Variants in RIPOR2 observed in about 807,000 individuals in gnomAD.
The protein encoded by RIPOR2 is rho family-interacting cell polarization regulator 2.
In RIPOR2, 39 loss-of-function variants were observed where a neutral mutation model predicts 114.5. That is an observed-to-expected ratio of 0.34 (90% CI 0.26 to 0.44). The LOEUF is 0.44. RIPOR2 is among the 20% of genes least tolerant of loss of function. The pLI is 1.00. For synonymous variants in RIPOR2, 445 were observed against 484.4 expected, an observed-to-expected ratio of 0.92 and a Z score of 1.07; for missense variants, 1,007 against 1,255.1, an observed-to-expected ratio of 0.80 and a Z score of 2.99.
chr6:24,989,153 A>G (rs1431370381), intron 1 of RIPOR2, among the ~76,000 whole-genome samples: 2 of 152,082 alleles, frequency 1.3e-5, no homozygotes, highest in Non-Finnish European at 2.9e-5. Context: ...TGAGTTTTTA[A>G]TATCAAAAAT....
At chr6:24,973,582 T>A (rs1165952765) in intron 1 of RIPOR2, among the ~76,000 whole-genome samples, 1 of 132,868 alleles carries the variant, frequency 7.5e-6, no homozygotes, top group Non-Finnish European at 1.5e-5. Flanking sequence ...AGTGACAGAG[T>A]GAGACTGCAT....
chr6:24,952,202 G>T lies in RIPOR2; in HGVS notation c.77-76385C>A, dbSNP rs943877446. On this transcript the variant is annotated intron_variant, in intron 1 of 13. Transcript: ENST00000510784. ...TTGGCTGGGTAGGCTGCAAGGTAAA[G>T]CGCAGAATAGTAAATGCCCCACCTA... Among the ~76,000 whole-genome samples, 5 of 152,170 alleles carry T rather than the reference G, an allele frequency of 3.3e-5. No individual in the cohort carries two copies. In the East Asian group the frequency reaches 9.6e-4, roughly 29 times the overall value.
At position 25,001,363 on chromosome 6, in the gene RIPOR2, G is replaced by A. The variant is rs542491014; in HGVS notation, c.76+40488C>T. ...AGAGTAGTTGGGTGCAGTGGCTCACGCGTGTAATCCCAGCACTTTGGGAGG... is the reference window on the plus strand; with the variant it reads ...AGAGTAGTTGGGTGCAGTGGCTCACACGTGTAATCCCAGCACTTTGGGAGG... On this transcript the variant is annotated intron_variant, in intron 1 of 13. Transcript: ENST00000510784. Among the ~76,000 whole-genome samples, 8 of 152,112 alleles carry A rather than the reference G, an allele frequency of 5.3e-5. No individual in the cohort carries two copies. The South Asian group carries it at 6.2e-4, about 12-fold the overall frequency.
chr6:24,935,989 G>A, upstream of RIPOR2: 1 of 985,642 alleles, frequency 1.0e-6, no homozygotes, highest in Non-Finnish European at 1.5e-6. Flanking sequence ...CTTTCCTTGG[G>A]TTGCCCAAGC....
intron 1 of RIPOR2, among the ~76,000 whole-genome samples, chr6:25,003,499 G>T (rs1399546173): frequency 6.6e-6 from 1 of 151,638 alleles, no homozygotes; most frequent in African/African-American, 2.4e-5. Context: ...CGCAGTCATG[G>T]CTCAGTGTAG....
chr6:24,946,488 G>T lies in RIPOR2; in HGVS notation c.77-70671C>A, dbSNP rs145513723. 4.1e-3 allele frequency among the ~76,000 whole-genome samples: 620 copies of T among 152,148 alleles called. 2 individuals are homozygous for T. Among genetic ancestry groups the T allele is most frequent in the South Asian group, 0.012 (58 of 4,818 alleles). Reference sequence around the variant, plus strand: ...CTCAGGAGGCTGAGTCAGGAGAGTCGCTTGAACCTGGGAGGTGGAGTTTGC... The same window carrying T: ...CTCAGGAGGCTGAGTCAGGAGAGTCTCTTGAACCTGGGAGGTGGAGTTTGC... On this transcript the variant is annotated intron_variant, in intron 1 of 13. Transcript: ENST00000510784.
chr6:24,843,016 AC>A lies in RIPOR2; in HGVS notation c.1702del (p.Val568LeufsTer12). 2 of 1,602,950 alleles carry A rather than the reference AC, an allele frequency of 1.2e-6. No individual in the cohort carries two copies. The highest frequency in any genetic ancestry group is 1.7e-6 in the Non-Finnish European group (2 of 1,172,992). Reference sequence around the variant, plus strand: ...TCTGCAGCCTTCAGATTCTCCACCAACAGAACCCTCAGAGAGCAGCCTGTCT... The same window carrying A: ...TCTGCAGCCTTCAGATTCTCCACCAAAGAACCCTCAGAGAGCAGCCTGTCT... The part of the protein sequence containing the change: ...ATDRLLSEGS[V>X]GGESEGCRSF... On this transcript the variant is annotated frameshift_variant, in exon 13 of 22. Coordinates refer to ENST00000643898, the MANE Select transcript of RIPOR2 (RefSeq NM_001286445.3). LOFTEE classifies it high-confidence loss of function.
At position 25,041,850 on chromosome 6, in the gene RIPOR2, C is replaced by A; in HGVS notation, c.76+1G>T. ...TAGGTAACACCAGACGGGACACTCA[C>A]GGTTGAGCTGGCGCCTCCGGATCCT... On this transcript the variant is annotated splice_donor_variant, in intron 1 of 13. Coordinates refer to the RIPOR2 transcript ENST00000510784. LOFTEE classifies it high-confidence loss of function. 1.4e-6 allele frequency: 1 copy of A among 702,476 alleles called. No homozygotes were observed. Among genetic ancestry groups the A allele is most frequent in the Non-Finnish European group, 2.6e-6 (1 of 384,844 alleles). 43.5% of individuals were successfully genotyped at this position (702,476 alleles called of 1,614,324 possible).
chr6:24,940,512 G>T (rs1772068198), upstream of RIPOR2, among the ~76,000 whole-genome samples: 1 of 152,026 alleles, frequency 6.6e-6, no homozygotes, highest in East Asian at 1.9e-4. Flanking sequence ...AATCAGAAAA[G>T]AAAAAGGTGA....
chr6:24,953,672 C>A (rs781576890), intron 1 of RIPOR2, among the ~76,000 whole-genome samples: 2 of 152,220 alleles, frequency 1.3e-5, no homozygotes, highest in Non-Finnish European at 2.9e-5. Flanking sequence ...TTGAGAAGTA[C>A]CTTCCCTATA....
chr6:25,029,134 A>C (rs1175374619), intron 1 of RIPOR2, among the ~76,000 whole-genome samples: 1 of 152,084 alleles, frequency 6.6e-6, no homozygotes, highest in Non-Finnish European at 1.5e-5. Context: ...TAAAAACACA[A>C]AAAATTAGCC....
chr6:24,900,513 C>G (rs1638658697), intron 1 of RIPOR2, among the ~76,000 whole-genome samples: 2 of 152,076 alleles, frequency 1.3e-5, no homozygotes, highest in South Asian at 4.1e-4. Context: ...AATCCCAGCA[C>G]TTTGGGAGAC....
At chr6:25,019,820 A>T (rs1000796851) in intron 1 of RIPOR2, among the ~76,000 whole-genome samples, 50 of 150,814 alleles carry the variant, frequency 3.3e-4, no homozygotes, top group African/African-American at 1.2e-3. Context: ...AAGAAAAAGA[A>T]AAAAGAAAAA....
Position 24,806,415 on chromosome 6 carries a change from T to G in RIPOR2, c.3102A>C (p.Lys1034Asn). Reference sequence around the variant, plus strand: ...CTTCAGTTCCATGACGACCTCCGACTTTAACACAGTCTCGAGGAAATTTGT... The same window carrying G: ...CTTCAGTTCCATGACGACCTCCGACGTTAACACAGTCTCGAGGAAATTTGT... The part of the protein sequence containing the change: ...QLDKFPRDCV[K>N]VGGRHGTEVA... Residue 1034 changes from lysine to asparagine, a missense_variant, in exon 22 of 22, where the codon AAA becomes AAC. Coordinates refer to ENST00000643898, the MANE Select transcript of RIPOR2 (RefSeq NM_001286445.3). 6.4e-7 allele frequency: 1 copy of G among 1,551,784 alleles called. No homozygotes were observed.
chr6:24,923,811 G>A lies in RIPOR2; in HGVS notation c.61+12027C>T, dbSNP rs555915496. Among the ~76,000 whole-genome samples, 16 of 152,054 alleles carry A rather than the reference G, an allele frequency of 1.1e-4. No homozygotes were observed. The South Asian group carries it at 1.5e-3, about 14-fold the overall frequency. ...TGCAGAGAGCCGAGATAGCACTACC[G>A]CACTCCAGCCTCAGCGACAGAGTAA... On this transcript the variant is annotated intron_variant, in intron 1 of 21. Coordinates refer to ENST00000643898, the MANE Select transcript of RIPOR2 (RefSeq NM_001286445.3).
intron 1 of RIPOR2, among the ~76,000 whole-genome samples, chr6:24,990,540 G>A (rs142625298): frequency 3.3e-5 from 5 of 152,198 alleles, no homozygotes; most frequent in Non-Finnish European, 5.9e-5. Flanking sequence ...ATGTTGATAC[G>A]AGTGAATAGT....
intron 8 of RIPOR2, among the ~76,000 whole-genome samples, chr6:24,853,102 TTTTC>T (rs1763125035): frequency 6.6e-6 from 1 of 152,218 alleles, no homozygotes; most frequent in South Asian, 2.1e-4. Context: ...CATTCTGATG[TTTTC>T]TTTATCCTTT....
chr6:25,025,157 CCT>C (rs1390197948), intron 1 of RIPOR2, among the ~76,000 whole-genome samples: 2 of 152,128 alleles, frequency 1.3e-5, no homozygotes. Flanking sequence ...AACAGGAAGC[CCT>C]CTCTGTCTCA....
At chr6:25,001,406 C>T (rs1217433422) in intron 1 of RIPOR2, among the ~76,000 whole-genome samples, 4 of 151,876 alleles carry the variant, frequency 2.6e-5, no homozygotes, top group African/African-American at 9.7e-5. Flanking sequence ...GAGCGGATCA[C>T]GAGGTCAGGA....
Sources: allele counts gnomAD v4.1 joint callset (sites outside exome capture counted in the v4.1 genomes callset), GRCh38; gene constraint gnomAD v4.1.1; transcripts MANE v1.5; gene names NCBI Gene and HGNC (gene_info 2026-07-23, HGNC 2026-07-21).